CCDC171: variants seen among roughly 807,000 people sequenced by gnomAD.
The protein encoded by CCDC171 is coiled-coil domain containing 171, also known as coiled-coil domain-containing protein 171.
In CCDC171, 177 loss-of-function variants were observed where a neutral mutation model predicts 168.2. The observed-to-expected ratio is 1.05, with a 90% CI of 0.93 to 1.19. The LOEUF is 1.19. Ranked by LOEUF, CCDC171 falls within the 50% of genes most tolerant of loss-of-function variation. The pLI is 0.00. For missense variants in CCDC171, 1,991 were observed against 1,539.0 expected (o/e 1.29, Z -4.91); for synonymous variants, 687 against 540.8 (o/e 1.27, Z -3.75).
chr9:15,683,184 A>G (rs2050152437), intron 10 of CCDC171, among the ~76,000 whole-genome samples: 1 of 151,964 alleles, frequency 6.6e-6, no homozygotes, highest in South Asian at 2.1e-4. Context: ...TTGGTCAAAG[A>G]ATGTTTTATT....
intron 21 of CCDC171, among the ~76,000 whole-genome samples, chr9:15,826,576 A>G (rs1449365567): frequency 1.3e-5 from 2 of 152,170 alleles, no homozygotes; most frequent in African/African-American, 2.4e-5. Flanking sequence ...GAAACCAGCC[A>G]TCATTCTCTG....
rs572523681 is a variant in CCDC171 at position 15,917,457 on chromosome 9, G to C, written c.3601-2813G>C. 1.5e-4 allele frequency among the ~76,000 whole-genome samples: 22 copies of C among 148,552 alleles called. 1 individual carries two copies. The South Asian group carries it at 4.6e-3, about 31-fold the overall frequency. On this transcript the variant is annotated intron_variant, in intron 24 of 25. Coordinates refer to ENST00000380701, the MANE Select transcript of CCDC171 (RefSeq NM_173550.4). The stretch of plus-strand genomic sequence containing the variant: ...GAATGTTTAAGATTTGAAATCCTAA[G>C]AAAAATTGGATTATTATATTCTTTT...
chr9:15,984,496 A>G (rs1037924227), intron 3 of CCDC171, among the ~76,000 whole-genome samples: 1 of 152,020 alleles, frequency 6.6e-6, no homozygotes, highest in Non-Finnish European at 1.5e-5. Context: ...TAATTATTAA[A>G]TAAGTGTATT....
At chr9:15,945,457 T>C (rs1387530655) in intron 25 of CCDC171, among the ~76,000 whole-genome samples, 1 of 151,446 alleles carries the variant, frequency 6.6e-6, no homozygotes, top group Non-Finnish European at 1.5e-5. Flanking sequence ...ATCGCCACAC[T>C]GACTTCCACA....
chr9:16,050,522 C>T (rs1291270425), intron 1 of CCDC171, among the ~76,000 whole-genome samples: 1 of 152,188 alleles, frequency 6.6e-6, no homozygotes, highest in Non-Finnish European at 1.5e-5. Flanking sequence ...CCCCTGTGCA[C>T]ACAGTGCCAG....
In CCDC171 at chr9:15,874,632, TC is replaced by T. The variant is rs1211893454; in HGVS notation, c.3570del (p.Lys1191ArgfsTer7). 6.2e-7 allele frequency: 1 copy of T among 1,601,850 alleles called. No individual in the cohort carries two copies. The highest frequency in any genetic ancestry group is 1.3e-5 in the African/African-American group (1 of 74,182). On this transcript the variant is annotated frameshift_variant, in exon 24 of 26. Coordinates refer to ENST00000380701, the MANE Select transcript of CCDC171 (RefSeq NM_173550.4). LOFTEE classifies it high-confidence loss of function. ...CTGGAGACCTTTGCAATGGAGGGGC[TC>T]AAGGGCGGGCCAGAGGTGGTAGCAT... Reference protein sequence around the residue: ...LHLETFAMEGLKGGPEVVACQ... With the variant: ...LHLETFAMEGXKGGPEVVACQ...
intron 6 of CCDC171, among the ~76,000 whole-genome samples, chr9:16,029,205 G>A (rs940424314): frequency 6.6e-6 from 1 of 152,160 alleles, no homozygotes; most frequent in African/African-American, 2.4e-5. Flanking sequence ...CTTCTGATTT[G>A]GGCTTGTTTT....
intron 16 of CCDC171, among the ~76,000 whole-genome samples, chr9:15,731,360 A>C (rs898454516): frequency 1.3e-5 from 2 of 152,084 alleles, no homozygotes; most frequent in Non-Finnish European, 2.9e-5. Context: ...TCTCTCTTCC[A>C]GTCAGTTTTA....
intron 1 of CCDC171, among the ~76,000 whole-genome samples, chr9:16,054,522 C>A (rs1833802922): frequency 6.6e-6 from 1 of 152,174 alleles, no homozygotes; most frequent in Non-Finnish European, 1.5e-5. Context: ...AAGATCCTCT[C>A]CCCTGCCTTC....
intron 3 of CCDC171, among the ~76,000 whole-genome samples, chr9:16,000,727 A>AC (rs1589313183): frequency 7.9e-6 from 1 of 127,044 alleles, no homozygotes; most frequent in Non-Finnish European, 1.8e-5. Context: ...ATAAGAAGAG[A>AC]CTTTTTTTTT....
At chr9:15,801,160 T>C (rs2058803500) in intron 21 of CCDC171, among the ~76,000 whole-genome samples, 1 of 152,034 alleles carries the variant, frequency 6.6e-6, no homozygotes, top group Non-Finnish European at 1.5e-5. Context: ...ATGTTATTGG[T>C]ATTTTTATAG....
chr9:15,882,677 C>T (rs2987045), intron 24 of CCDC171, among the ~76,000 whole-genome samples: 116,775 of 151,688 alleles, frequency 0.77, 45,914 homozygotes, highest in East Asian at 0.85. Context: ...TTGTCATCCT[C>T]AATCTGTATC....
intron 20 of CCDC171, among the ~76,000 whole-genome samples, chr9:15,783,289 C>T (rs1175767518): frequency 1.3e-5 from 2 of 152,160 alleles, no homozygotes; most frequent in African/African-American, 2.4e-5. Flanking sequence ...TGACTATGCA[C>T]ATTTCTATTT....
At chr9:15,732,027 T>A (rs1241655872) in intron 16 of CCDC171, among the ~76,000 whole-genome samples, 1 of 152,062 alleles carries the variant, frequency 6.6e-6, no homozygotes, top group Non-Finnish European at 1.5e-5. Flanking sequence ...TTTTCTCATT[T>A]AAAAAATAGA....
intron 11 of CCDC171, among the ~76,000 whole-genome samples, chr9:15,716,744 TAACA>T (rs954295370): frequency 3.9e-5 from 6 of 152,154 alleles, no homozygotes; most frequent in Non-Finnish European, 8.8e-5. Flanking sequence ...CTGACTTTTA[TAACA>T]AACCTACTTC....
chr9:15,706,150 T>C (rs982940259), intron 11 of CCDC171, among the ~76,000 whole-genome samples: 30 of 152,336 alleles, frequency 2.0e-4, no homozygotes, highest in African/African-American at 6.3e-4. Flanking sequence ...CTCATTTCTT[T>C]TCAGGTAGAA....
intron 3 of CCDC171, among the ~76,000 whole-genome samples, chr9:15,993,024 G>T (rs1213797540): frequency 6.6e-6 from 1 of 152,176 alleles, no homozygotes; most frequent in Non-Finnish European, 1.5e-5. Context: ...ACTTCCCAAG[G>T]TAATTTATAG....
intron 7 of CCDC171, among the ~76,000 whole-genome samples, chr9:15,632,465 G>C (rs958968440): frequency 1.3e-4 from 19 of 151,960 alleles, no homozygotes; most frequent in African/African-American, 4.6e-4. Context: ...AACTTACAAG[G>C]GATGTGAAGG....
intron 16 of CCDC171, among the ~76,000 whole-genome samples, chr9:15,739,979 C>T (rs568057295): frequency 6.6e-6 from 1 of 152,196 alleles, no homozygotes; most frequent in South Asian, 2.1e-4. Context: ...TCTTGTGATC[C>T]ACCTGCCTTG....
Sources: allele counts gnomAD v4.1 joint callset (sites outside exome capture counted in the v4.1 genomes callset), GRCh38; gene constraint gnomAD v4.1.1; transcripts MANE v1.5; gene names NCBI Gene and HGNC (gene_info 2026-07-23, HGNC 2026-07-21).